The following ATP9B variants were observed in gnomAD, a reference collection of about 807,000 sequenced individuals.
ATP9B encodes the protein probable phospholipid-transporting ATPase IIB.
Under a neutral mutation model 146.1 loss-of-function variants are expected in ATP9B, and 110 were observed. That is an observed-to-expected ratio of 0.75 (90% CI 0.65 to 0.88). The LOEUF (loss-of-function observed/expected upper bound fraction) is 0.88, where lower values mean the gene tolerates loss of function less well. Among genes scored for constraint, ATP9B ranks in the 40% least tolerant of loss-of-function variants. The pLI is 0.00. For missense variants in ATP9B, 1,499 were observed against 1,496.4 expected (o/e 1.00, Z -0.03); for synonymous variants, 604 against 569.7 (o/e 1.06, Z -0.86).
intron 7 of ATP9B, among the ~76,000 whole-genome samples, chr18:79,155,887 C>T (rs1387117168): frequency 7.9e-5 from 12 of 151,068 alleles, no homozygotes; most frequent in African/African-American, 2.9e-4. Flanking sequence ...CTCAGCCTCC[C>T]GGGTAGCTGG....
intron 4 of ATP9B, among the ~76,000 whole-genome samples, chr18:79,120,731 T>C (rs1450208414): frequency 6.6e-6 from 1 of 152,350 alleles, no homozygotes; most frequent in East Asian, 1.9e-4. Flanking sequence ...AAGCTCTGGC[T>C]CTAACAGTTT....
intron 8 of ATP9B, among the ~76,000 whole-genome samples, chr18:79,184,709 G>A (rs965123809): frequency 4.6e-5 from 7 of 151,822 alleles, no homozygotes; most frequent in African/African-American, 1.5e-4. Context: ...TCTTTTTCTT[G>A]TGTACATACT....
intron 1 of ATP9B, among the ~76,000 whole-genome samples, chr18:79,088,198 CGTT>C (rs1031859337): frequency 4.6e-5 from 7 of 152,318 alleles, no homozygotes; most frequent in Admixed American, 3.3e-4. Context: ...TTTCAGAACT[CGTT>C]GTGCTGCGTT....
intron 11 of ATP9B, among the ~76,000 whole-genome samples, chr18:79,232,280 A>G (rs1221440839): frequency 6.6e-6 from 1 of 152,262 alleles, no homozygotes; most frequent in Non-Finnish European, 1.5e-5. Context: ...AGATTTAATC[A>G]TAAGATTGTA....
At chr18:79,105,628 G>A (rs777020608) in intron 2 of ATP9B, among the ~76,000 whole-genome samples, 22 of 152,134 alleles carry the variant, frequency 1.4e-4, no homozygotes, top group Non-Finnish European at 2.4e-4. Flanking sequence ...TTCTGTAAGC[G>A]GTTGTGAGTC....
chr18:79,140,347 C>T lies in ATP9B; in HGVS notation c.668-3455C>T, dbSNP rs1157451423. On this transcript the variant is annotated intron_variant, in intron 5 of 29. Transcript: ENST00000426216. ...AATGGAATTTTTTGGGGGGGAATTTCTTTAGTTTTTTTCAACTCATTCATT... is the reference window on the plus strand; with the variant it reads ...AATGGAATTTTTTGGGGGGGAATTTTTTTAGTTTTTTTCAACTCATTCATT... 1.1e-4 allele frequency among the ~76,000 whole-genome samples: 17 copies of T among 151,880 alleles called. 1 individual carries two copies. Among genetic ancestry groups the T allele is most frequent in the Admixed American group, 1.1e-3 (17 of 15,254 alleles).
At chr18:79,373,051 CTTT>C (rs5826630) in intron 27 of ATP9B, among the ~76,000 whole-genome samples, 169 bp downstream of exon 27, 1 of 149,374 alleles carries the variant, frequency 6.7e-6, no homozygotes, top group Non-Finnish European at 1.5e-5. Flanking sequence ...AACATGGGTC[CTTT>C]TTTTTTTTTA....
intron 15 of ATP9B, chr18:79,307,501 A>G: frequency 2.2e-6 from 1 of 446,042 alleles, no homozygotes. Context: ...AGCATGAGAA[A>G]TACCAGCGAG....
At chr18:79,221,995 A>G (rs1032147101) in intron 11 of ATP9B, among the ~76,000 whole-genome samples, 1 of 151,884 alleles carries the variant, frequency 6.6e-6, no homozygotes, top group South Asian at 2.1e-4. Flanking sequence ...GGAGAAAAGC[A>G]TAACTCATAT....
chr18:79,322,467 A>G (rs2096721556), intron 15 of ATP9B, among the ~76,000 whole-genome samples: 1 of 152,194 alleles, frequency 6.6e-6, no homozygotes, highest in African/African-American at 2.4e-5. Flanking sequence ...AGCTTCCATC[A>G]GTAGGAGAGG....
chr18:79,270,300 CTCTGTGTG>C lies in ATP9B; in HGVS notation c.1269-6752_1269-6745del, dbSNP rs2096242539. Among the ~76,000 whole-genome samples, 21 of 143,018 alleles carry C rather than the reference CTCTGTGTG, an allele frequency of 1.5e-4. 1 individual carries two copies. In the South Asian group the frequency reaches 4.5e-3, roughly 31 times the overall value. 93.8% of individuals were successfully genotyped at this position (143,018 alleles called of 152,430 possible). ...CACATTCATCTATTCTATGTGGCAG[CTCTGTGTG>C]TGTGTGTGTGTCTGTGTGTGTGTGT... On this transcript the variant is annotated intron_variant, in intron 12 of 29. Coordinates refer to ENST00000426216, the MANE Select transcript of ATP9B (RefSeq NM_198531.5).
intron 13 of ATP9B, among the ~76,000 whole-genome samples, chr18:79,299,066 A>T (rs1156778284): frequency 6.6e-6 from 1 of 152,126 alleles, no homozygotes; most frequent in Non-Finnish European, 1.5e-5. Flanking sequence ...TTCTGTCTTG[A>T]TGCCTGCTGC....
chr18:79,344,644 G>T (rs2096876322), intron 21 of ATP9B, among the ~76,000 whole-genome samples: 1 of 152,220 alleles, frequency 6.6e-6, no homozygotes, highest in African/African-American at 2.4e-5. Context: ...CTGGAAAGCA[G>T]CCCCAGCCTG....
At chr18:79,212,699 A>G (rs1175887616) in intron 10 of ATP9B, among the ~76,000 whole-genome samples, 1 of 152,166 alleles carries the variant, frequency 6.6e-6, no homozygotes, top group Non-Finnish European at 1.5e-5. Context: ...ATAGTATTGT[A>G]TTATATATTT....
At chr18:79,123,347 T>TTAAAGCATGAAATTACA (rs2094222311) in intron 4 of ATP9B, among the ~76,000 whole-genome samples, 1 of 152,004 alleles carries the variant, frequency 6.6e-6, no homozygotes, top group Non-Finnish European at 1.5e-5. Context: ...AGGAATAAGC[T>TTAAAGCATGAAATTACA]TAAAGCATGA....
chr18:79,110,239 A>T, intron 2 of ATP9B, 116 bp from the exon 3 acceptor site: 1 of 965,088 alleles, frequency 1.0e-6, no homozygotes, highest in Non-Finnish European at 1.4e-6. Flanking sequence ...TAGGTGTGCT[A>T]TTAGTGTGTG....
chr18:79,296,417 C>T (rs1366646520), intron 13 of ATP9B, among the ~76,000 whole-genome samples: 1 of 152,204 alleles, frequency 6.6e-6, no homozygotes, highest in Non-Finnish European at 1.5e-5. Flanking sequence ...TCTTGTGTGG[C>T]TTTAAATTTA....
chr18:79,194,113 A>C (rs1161012065), intron 9 of ATP9B, among the ~76,000 whole-genome samples: 1 of 152,220 alleles, frequency 6.6e-6, no homozygotes, highest in African/African-American at 2.4e-5. Context: ...ATGGAGGGAC[A>C]GAGGAGGAAG....
intron 13 of ATP9B, among the ~76,000 whole-genome samples, chr18:79,284,854 A>G (rs2096418996): frequency 7.0e-6 from 1 of 142,682 alleles, no homozygotes; most frequent in South Asian, 2.2e-4. Context: ...CCCACCTATG[A>G]GTGAGAATAT....
Sources: allele counts gnomAD v4.1 joint callset (sites outside exome capture counted in the v4.1 genomes callset), GRCh38; gene constraint gnomAD v4.1.1; transcripts MANE v1.5; gene names NCBI Gene and HGNC (gene_info 2026-07-23, HGNC 2026-07-21).